DLGAP2: variants seen among roughly 807,000 people sequenced by gnomAD.
DLGAP2 encodes DLG associated protein 2, also known as disks large-associated protein 2.
A neutral mutation model predicts 100.3 loss-of-function variants in DLGAP2; 26 were observed. That is an observed-to-expected ratio of 0.26 (90% CI 0.19 to 0.36). The LOEUF is 0.36. Among genes scored for constraint, DLGAP2 ranks in the 10% least tolerant of loss-of-function variants. The pLI is 1.00. For missense variants in DLGAP2, 1,858 were observed against 1,453.2 expected (o/e 1.28, Z -4.53); for synonymous variants, 886 against 630.1 (o/e 1.41, Z -6.08).
At chr8:1,624,869 G>GTCTCTCTGTCTT (rs1797451566) in intron 6 of DLGAP2, among the ~76,000 whole-genome samples, 2 of 149,668 alleles carry the variant, frequency 1.3e-5, no homozygotes, top group African/African-American at 4.9e-5. Context: ...CTCTCTCTCT[G>GTCTCTCTGTCTT]TCTCTCTCTC....
At chr8:1,414,763 C>T (rs1035929139) in intron 3 of DLGAP2, among the ~76,000 whole-genome samples, 1 of 152,196 alleles carries the variant, frequency 6.6e-6, no homozygotes, top group Non-Finnish European at 1.5e-5. Flanking sequence ...AATCCCAACA[C>T]TTTCGGAGGC....
chr8:1,222,559 A>C (rs569675064), intron 2 of DLGAP2, among the ~76,000 whole-genome samples: 1 of 151,834 alleles, frequency 6.6e-6, no homozygotes, highest in Admixed American at 6.6e-5. Context: ...GTGCACATGC[A>C]TGTATGTGCT....
At chr8:1,554,943 C>T (rs1006444905) in intron 5 of DLGAP2, among the ~76,000 whole-genome samples, 2 of 152,188 alleles carry the variant, frequency 1.3e-5, no homozygotes, top group African/African-American at 4.8e-5. Context: ...AAGGAGATTG[C>T]TGTGGTTGGT....
intron 8 of DLGAP2, among the ~76,000 whole-genome samples, chr8:1,646,330 C>T (rs1284883986): frequency 6.6e-6 from 1 of 152,134 alleles, no homozygotes; most frequent in Non-Finnish European, 1.5e-5. Context: ...GCCTCATTGA[C>T]GACAGGAGCC....
intron 3 of DLGAP2, among the ~76,000 whole-genome samples, chr8:1,459,035 C>T (rs961122642): frequency 3.3e-5 from 5 of 152,084 alleles, no homozygotes; most frequent in African/African-American, 9.7e-5. Context: ...GAGTGACAGC[C>T]AGCTGGTTTA....
chr8:1,468,633 T>G (rs914167666), intron 3 of DLGAP2, among the ~76,000 whole-genome samples: 1 of 152,182 alleles, frequency 6.6e-6, no homozygotes, highest in Non-Finnish European at 1.5e-5. Context: ...AGCCTGTGCT[T>G]TGGGGCCAGT....
chr8:1,561,124 T>C (rs958429814), intron 5 of DLGAP2, among the ~76,000 whole-genome samples: 3 of 151,824 alleles, frequency 2.0e-5, no homozygotes, highest in East Asian at 1.9e-4. Context: ...TAAAAGGGAG[T>C]TCCCCTGCAC....
At chr8:1,145,181 C>A (rs1300246888) in intron 2 of DLGAP2, among the ~76,000 whole-genome samples, 1 of 152,120 alleles carries the variant, frequency 6.6e-6, no homozygotes. Flanking sequence ...ACTTTCCCCC[C>A]AGCCACCATC....
intron 3 of DLGAP2, among the ~76,000 whole-genome samples, chr8:1,311,315 A>T (rs1445352691): frequency 6.6e-6 from 1 of 152,372 alleles, no homozygotes; most frequent in East Asian, 1.9e-4. Flanking sequence ...AAATATCCAG[A>T]ATCAGATACG....
chr8:1,094,756 G>A (rs753955917), intron 2 of DLGAP2, among the ~76,000 whole-genome samples: 12 of 152,218 alleles, frequency 7.9e-5, no homozygotes, highest in Admixed American at 3.3e-4. Flanking sequence ...GGACCCAGCC[G>A]CAGGTTCTTC....
chr8:1,258,935 G>C, intron 3 of DLGAP2, 52 bp downstream of exon 3: 3 of 1,223,508 alleles, frequency 2.5e-6, no homozygotes, highest in South Asian at 8.3e-5. Context: ...CGGCTCACAG[G>C]TGTGTGGCTG....
chr8:828,784 G>A (rs1796729053), intron 1 of DLGAP2, among the ~76,000 whole-genome samples: 1 of 152,110 alleles, frequency 6.6e-6, no homozygotes, highest in African/African-American at 2.4e-5. Context: ...TATTAATTTG[G>A]GGAACTAATG....
intron 3 of DLGAP2, among the ~76,000 whole-genome samples, chr8:1,489,280 T>A (rs978504626): frequency 1.3e-5 from 2 of 152,206 alleles, no homozygotes; most frequent in African/African-American, 4.8e-5. Context: ...GGGCAGCATG[T>A]CTTCCTCACT....
At chr8:1,346,182 C>T (rs547451741) in intron 3 of DLGAP2, among the ~76,000 whole-genome samples, 1 of 152,198 alleles carries the variant, frequency 6.6e-6, no homozygotes, top group East Asian at 1.9e-4. Flanking sequence ...GTTTGAGTTC[C>T]CATACAGAGC....
chr8:1,663,127 GGT>G (rs1327173513), intron 8 of DLGAP2, among the ~76,000 whole-genome samples: 7 of 106,010 alleles, frequency 6.6e-5, no homozygotes, highest in South Asian at 6.6e-4. Flanking sequence ...CAGTGTGGGG[GGT>G]GTGTGTGTGT....
Position 1,691,645 on chromosome 8 carries a change from A to T in DLGAP2, c.2796+19A>T. On this transcript the variant is annotated intron_variant, in intron 13 of 14. Transcript: ENST00000637795. ...GAATATGGTAAGTGAATCCTCAGTG[A>T]ACCCCTGTTCCCTGTAACCAAGCTA... 6.2e-7 allele frequency: 1 copy of T among 1,600,176 alleles called. No individual in the cohort carries two copies. The highest frequency in any genetic ancestry group is 8.6e-7 in the Non-Finnish European group (1 of 1,168,372).
At chr8:1,258,782 G>A in intron 2 of DLGAP2, 69 bp from the exon 3 acceptor site, 1 of 1,205,032 alleles carries the variant, frequency 8.3e-7, no homozygotes, top group Non-Finnish European at 1.0e-6. Context: ...TGTTGCTGAT[G>A]TTGAATCTTT....
intron 2 of DLGAP2, among the ~76,000 whole-genome samples, chr8:1,079,834 G>A (rs73670434): frequency 2.6e-5 from 4 of 152,324 alleles, no homozygotes; most frequent in East Asian, 1.9e-4. Context: ...GGTCTGAAAC[G>A]TCAGTGAGGA....
At chr8:1,472,261 G>A (rs548381460) in intron 3 of DLGAP2, among the ~76,000 whole-genome samples, 19 of 152,326 alleles carry the variant, frequency 1.2e-4, no homozygotes, top group East Asian at 3.9e-4. Context: ...GCGGTAGAGC[G>A]GCTGTGCACC....
Sources: allele counts gnomAD v4.1 joint callset (sites outside exome capture counted in the v4.1 genomes callset), GRCh38; gene constraint gnomAD v4.1.1; transcripts MANE v1.5; gene names NCBI Gene and HGNC (gene_info 2026-07-23, HGNC 2026-07-21).